ACYP1: variants seen among roughly 807,000 people sequenced by gnomAD.
ACYP1 encodes acylphosphatase-1.
In ACYP1, 8 loss-of-function variants were observed where a neutral mutation model predicts 10.4. That is an observed-to-expected ratio of 0.77 (90% CI 0.45 to 1.38). The LOEUF (loss-of-function observed/expected upper bound fraction) is 1.38. Ranked by LOEUF, ACYP1 falls within the 40% of genes most tolerant of loss-of-function variation. The pLI, the probability that ACYP1 is intolerant of heterozygous loss-of-function variation, is 0.00. For synonymous variants in ACYP1, 38 were observed against 40.8 expected, an observed-to-expected ratio of 0.93 and a Z score of 0.26; for missense variants, 93 against 117.3, an observed-to-expected ratio of 0.79 and a Z score of 0.96.
Position 75,053,427 on chromosome 14 carries a change from A to C in ACYP1, c.*17T>G. 1 of 1,609,180 alleles carries C rather than the reference A, an allele frequency of 6.2e-7. No individual in the cohort carries two copies. The highest frequency in any genetic ancestry group is 8.5e-7 in the Non-Finnish European group (1 of 1,175,638). ...CCAAACCACTGAGTTTATCTTAGAA[A>C]ACTTAAATTCAGGCCATTATTTTAC... On this transcript the variant is annotated 3_prime_UTR_variant, in exon 3 of 3. Coordinates refer to ENST00000238618, the MANE Select transcript of ACYP1 (RefSeq NM_001107.5).
intron 2 of ACYP1, chr14:75,059,817 A>G (rs1481308923): frequency 6.4e-6 from 1 of 155,484 alleles, no homozygotes. Context: ...GATATAACAC[A>G]GATGAACCCT....
chr14:75,064,325 CAATTA>C (rs1433612576), upstream of ACYP1: 1 of 152,198 alleles, frequency 6.6e-6, no homozygotes, highest in Non-Finnish European at 1.5e-5. Context: ...TTCAATCATT[CAATTA>C]AATACTGACT....
chr14:75,067,653 T>C (rs551657894), upstream of ACYP1, among the ~76,000 whole-genome samples: 5 of 152,196 alleles, frequency 3.3e-5, no homozygotes, highest in South Asian at 8.3e-4. Context: ...TGAGTATATG[T>C]TAAAACCAAA....
chr14:75,061,603 A>G, intron 2 of ACYP1: 1 of 944,648 alleles, frequency 1.1e-6, no homozygotes, highest in East Asian at 2.7e-5. Flanking sequence ...TATGCATACC[A>G]CTATCTGACC....
At chr14:75,069,193 C>G in intron 1 of ACYP1, 1 of 1,516,652 alleles carries the variant, frequency 6.6e-7, no homozygotes, top group Non-Finnish European at 8.8e-7. Context: ...GCAAGGAGCG[C>G]GCGCGTGCAG....
At position 75,063,485 on chromosome 14, in the gene ACYP1, G is replaced by T. The variant is rs775656002; in HGVS notation, c.69C>A (p.Phe23Leu). The change falls in exon 2 of 3, where the codon TTC (phenylalanine) becomes TTA (leucine). Residue 23 changes from phenylalanine (F) to leucine (L), a missense_variant. Physicochemically the swap from Phe to Leu is conservative, Grantham distance 22. Transcript: ENST00000238618. ...EIFGKVQGVF[F>L]RKHTQAEGKK... Reference sequence around the variant, plus strand: ...GGCCACATACCTGAGTATGCTTACGGAAAAACACCCCTTGCACCTTCCCAA... The same window carrying T: ...GGCCACATACCTGAGTATGCTTACGTAAAAACACCCCTTGCACCTTCCCAA... 6.2e-6 allele frequency: 10 copies of T among 1,613,660 alleles called. No individual in the cohort carries two copies. In the African/African-American group the frequency reaches 1.3e-4, roughly 22 times the overall value.
At chr14:75,068,556 G>C (rs1193809783), upstream of ACYP1, among the ~76,000 whole-genome samples, 2 of 151,810 alleles carry the variant, frequency 1.3e-5, no homozygotes, top group Admixed American at 1.3e-4. Flanking sequence ...AGAAGAGAGA[G>C]AGACAGAGAG....
intron 1 of ACYP1, among the ~76,000 whole-genome samples, 176 bp from the exon 2 acceptor site, chr14:75,063,737 G>A (rs760631013): frequency 2.0e-5 from 3 of 152,146 alleles, no homozygotes; most frequent in Non-Finnish European, 4.4e-5. Context: ...TGTGAAGGAA[G>A]AACCAGACGC....
intron 2 of ACYP1, among the ~76,000 whole-genome samples, chr14:75,055,985 C>A (rs1291128407): frequency 4.6e-5 from 7 of 151,372 alleles, no homozygotes; most frequent in Admixed American, 3.9e-4. Flanking sequence ...ATTCTATGAA[C>A]AATTATATGC....
At chr14:75,062,120 A>AAAAAAAAAAAAAAAAAAAAAG (rs1566620216) in intron 2 of ACYP1, among the ~76,000 whole-genome samples, 1 of 147,854 alleles carries the variant, frequency 6.8e-6, no homozygotes, top group African/African-American at 2.5e-5. Context: ...AAAAAAAAAA[A>AAAAAAAAAAAAAAAAAAAAAG]AAAAGAAAAG....
chr14:75,064,976 T>A (rs1594797673), upstream of ACYP1, among the ~76,000 whole-genome samples: 1 of 152,142 alleles, frequency 6.6e-6, no homozygotes, highest in East Asian at 1.9e-4. Context: ...CTTGAACAAA[T>A]AACCAGCTAA....
At chr14:75,062,427 G>C (rs1040818509) in intron 2 of ACYP1, among the ~76,000 whole-genome samples, 2 of 151,720 alleles carry the variant, frequency 1.3e-5, no homozygotes, top group African/African-American at 4.8e-5. Flanking sequence ...AAGGGAAAGA[G>C]GTATTGACAA....
chr14:75,066,091 A>G (rs1014802499), upstream of ACYP1, among the ~76,000 whole-genome samples: 11 of 152,202 alleles, frequency 7.2e-5, no homozygotes, highest in Admixed American at 6.5e-4. Context: ...GTCTTAACAC[A>G]CAGTCAGGGA....
upstream of ACYP1, among the ~76,000 whole-genome samples, chr14:75,068,213 C>T (rs565881277): frequency 1.3e-5 from 2 of 152,150 alleles, no homozygotes; most frequent in East Asian, 3.9e-4. Flanking sequence ...ATCACTTGAA[C>T]CCAGGAGGCA....
At chr14:75,065,456 A>G (rs1893127183), upstream of ACYP1, among the ~76,000 whole-genome samples, 1 of 152,208 alleles carries the variant, frequency 6.6e-6, no homozygotes, top group South Asian at 2.1e-4. Context: ...GTACTTGGCA[A>G]TATTTGAAAA....
At chr14:75,060,298 C>T (rs981218175) in intron 2 of ACYP1, 3 of 669,704 alleles carry the variant, frequency 4.5e-6, no homozygotes, top group Admixed American at 2.3e-5. Context: ...GAAATATTAC[C>T]TCATACCCAC....
upstream of ACYP1, among the ~76,000 whole-genome samples, chr14:75,067,096 A>G (rs192579886): frequency 5.3e-5 from 8 of 152,276 alleles, no homozygotes; most frequent in East Asian, 1.5e-3. Flanking sequence ...GAAAGACTAA[A>G]GCTAAGCTGG....
rs1454667072 is a variant in ACYP1, at chr14:75,063,520, A to G, written c.34T>C (p.Tyr12His). The G allele has an allele frequency of 6.2e-7, 1 of 1,613,886 alleles. No individual in the cohort carries two copies. Among genetic ancestry groups the G allele is most frequent in the Non-Finnish European group, 8.5e-7 (1 of 1,179,908 alleles). Reference sequence around the variant, plus strand: ...CCTTGCACCTTCCCAAAAATTTCATAATCCACTGATATCAGGGTGTTTCCT... The same window carrying G: ...CCTTGCACCTTCCCAAAAATTTCATGATCCACTGATATCAGGGTGTTTCCT... Reference protein sequence around the residue: ...AEGNTLISVDYEIFGKVQGVF... With the variant: ...AEGNTLISVDHEIFGKVQGVF... The change falls in exon 2 of 3, where the codon TAT (tyrosine) becomes CAT (histidine). Residue 12 changes from tyrosine to histidine, a missense_variant. By Grantham distance (83) the Tyr-to-His change is moderately conservative. Coordinates refer to ENST00000238618, the MANE Select transcript of ACYP1 (RefSeq NM_001107.5).
intron 2 of ACYP1, among the ~76,000 whole-genome samples, chr14:75,054,238 C>CTGGATTTCCTACCTCACAT (rs1265385915): frequency 6.6e-6 from 1 of 151,912 alleles, no homozygotes; most frequent in Non-Finnish European, 1.5e-5. Context: ...TATGTTGTAG[C>CTGGATTTCCTACCTCACAT]CAAAGCCCAC....
Sources: allele counts gnomAD v4.1 joint callset (sites outside exome capture counted in the v4.1 genomes callset), GRCh38; gene constraint gnomAD v4.1.1; transcripts MANE v1.5; gene names NCBI Gene and HGNC (gene_info 2026-07-23, HGNC 2026-07-21).